Variants in METTL9 observed in about 807,000 individuals in gnomAD.
METTL9 encodes the protein methyltransferase 9, His-X-His N1(pi)-histidine, also known as protein-L-histidine N-pros-methyltransferase.
METTL9 carries 10 observed loss-of-function variants against 36.0 expected under a neutral mutation model. The observed-to-expected ratio is 0.28, with a 90% CI of 0.17 to 0.47. The LOEUF (loss-of-function observed/expected upper bound fraction) is 0.47, where lower values mean the gene tolerates loss of function less well. METTL9 is among the 20% of genes least tolerant of loss of function. The pLI is 0.99. For synonymous variants in METTL9, 175 were observed against 149.7 expected (o/e 1.17, Z -1.23); for missense variants, 246 against 383.5 (o/e 0.64, Z 3.00).
At chr16:21,647,057 C>T in intron 4 of METTL9, 20 of 1,586,408 alleles carry the variant, frequency 1.3e-5, no homozygotes, top group Non-Finnish European at 1.6e-5. Flanking sequence ...CTGATTTCTA[C>T]ATGTGAGTGA....
intron 4 of METTL9, among the ~76,000 whole-genome samples, chr16:21,643,820 A>G (rs554183984): frequency 6.6e-6 from 1 of 150,934 alleles, no homozygotes; most frequent in Non-Finnish European, 1.5e-5. Context: ...ACAATGGTAT[A>G]CATCTCCCTT....
chr16:21,599,363 A>G, upstream of METTL9: 1 of 1,029,142 alleles, frequency 9.7e-7, no homozygotes, highest in Non-Finnish European at 1.2e-6. This position sits in a 1 kb window ranked among gnomAD's most constrained non-coding sequence, Gnocchi z 4.4. Flanking sequence ...CTAGAGGCCA[A>G]GGCAGGGCCG....
intron 1 of METTL9, among the ~76,000 whole-genome samples, chr16:21,607,048 A>G (rs1258971524): frequency 1.3e-5 from 2 of 151,952 alleles, no homozygotes; most frequent in Non-Finnish European, 2.9e-5. Context: ...TTATATATAA[A>G]TATTAGGAGG....
At chr16:21,638,242 C>T (rs1340212041) in intron 4 of METTL9, among the ~76,000 whole-genome samples, 1 of 152,170 alleles carries the variant, frequency 6.6e-6, no homozygotes, top group Non-Finnish European at 1.5e-5. Context: ...CACTTGAACC[C>T]TGGAGGCAGA....
At chr16:21,599,519 G>T (rs939617300), upstream of METTL9, 11 of 1,261,002 alleles carry the variant, frequency 8.7e-6, no homozygotes, top group Admixed American at 4.4e-4. The surrounding 1 kb of genome is among the most constrained non-coding windows in gnomAD (Gnocchi z 4.4). Flanking sequence ...GCAGGGGGCA[G>T]CGGCGTTCCG....
At chr16:21,605,319 C>CACCCAAG (rs2152892669) in intron 1 of METTL9, among the ~76,000 whole-genome samples, 1 of 98,548 alleles carries the variant, frequency 1.0e-5, no homozygotes, top group South Asian at 3.6e-4. Flanking sequence ...CTTACTCTGT[C>CACCCAAG]ACCCAAGTTG....
chr16:21,627,238 C>G (rs532980826), intron 4 of METTL9: 1 of 984,600 alleles, frequency 1.0e-6, no homozygotes, highest in South Asian at 4.7e-5. Flanking sequence ...TGTGTAGATT[C>G]ATGAATGCTG....
chr16:21,613,023 G>A (rs937095438), intron 2 of METTL9, among the ~76,000 whole-genome samples, 188 bp downstream of exon 2: 2 of 151,954 alleles, frequency 1.3e-5, no homozygotes, highest in East Asian at 3.9e-4. Flanking sequence ...TCACCATAAC[G>A]TGACAGCCTC....
chr16:21,651,434 G>T (rs1243691438), intron 4 of METTL9, among the ~76,000 whole-genome samples: 1 of 152,014 alleles, frequency 6.6e-6, no homozygotes, highest in African/African-American at 2.4e-5. Flanking sequence ...GGGTGGGACT[G>T]CAGGTGCAGT....
chr16:21,638,944 C>T (rs1966177624), intron 4 of METTL9, among the ~76,000 whole-genome samples: 1 of 152,118 alleles, frequency 6.6e-6, no homozygotes, highest in Non-Finnish European at 1.5e-5. Flanking sequence ...AAACTAATCT[C>T]AAAGCTATTT....
chr16:21,637,687 G>A (rs530578609), intron 4 of METTL9, among the ~76,000 whole-genome samples: 5 of 152,368 alleles, frequency 3.3e-5, no homozygotes, highest in South Asian at 2.1e-4. Context: ...GTACACACCC[G>A]GAACCTGTGC....
chr16:21,648,225 T>C (rs1966480088), intron 4 of METTL9, among the ~76,000 whole-genome samples: 1 of 152,170 alleles, frequency 6.6e-6, no homozygotes, highest in Admixed American at 6.5e-5. Context: ...ATTTATCTTA[T>C]TTAATTAACA....
At chr16:21,635,829 G>C (rs1267609711) in intron 4 of METTL9, among the ~76,000 whole-genome samples, 1 of 152,190 alleles carries the variant, frequency 6.6e-6, no homozygotes, top group South Asian at 2.1e-4. Context: ...GCAGTCCCCG[G>C]ACCCTGCTAA....
chr16:21,647,068 G>T, intron 4 of METTL9: 1 of 1,602,576 alleles, frequency 6.2e-7, no homozygotes. Flanking sequence ...ATGTGAGTGA[G>T]GTAATGATTT....
chr16:21,655,554 G>C lies in METTL9; in HGVS notation c.*122G>C. ...GGACCGCCATTCTAAATATCATGTA[G>C]GAATTTAAAAAGCCAAAATACTAAT... On this transcript the variant is annotated 3_prime_UTR_variant, in exon 5 of 5. Coordinates refer to ENST00000358154, the MANE Select transcript of METTL9 (RefSeq NM_016025.5). 1 of 854,094 alleles carries C rather than the reference G, an allele frequency of 1.2e-6. No homozygotes were observed. 52.9% of individuals were successfully genotyped at this position (854,094 alleles called of 1,614,324 possible). A position where few individuals can be genotyped will look rare whatever the true frequency, so the allele number is the denominator to read the frequency against.
chr16:21,608,994 C>G (rs1490712180), intron 1 of METTL9, among the ~76,000 whole-genome samples: 3 of 152,164 alleles, frequency 2.0e-5, no homozygotes, highest in Non-Finnish European at 4.4e-5. Context: ...CTTAGGGACC[C>G]TATGCTTCCC....
At chr16:21,653,570 G>T (rs952660010) in intron 4 of METTL9, 4 of 152,302 alleles carry the variant, frequency 2.6e-5, no homozygotes, top group Non-Finnish European at 4.4e-5. Flanking sequence ...AGTGAATCTT[G>T]TGTGGGGTCC....
chr16:21,655,411 C>CT lies in METTL9; in HGVS notation c.939dup (p.Val314CysfsTer47), dbSNP rs1966681126. On this transcript the variant is annotated frameshift_variant, in exon 5 of 5. Coordinates refer to ENST00000358154, the MANE Select transcript of METTL9 (RefSeq NM_016025.5). LOFTEE classifies it high-confidence loss of function. ...ACTACTACGTTCTGGATGACGCTGT[C>CT]TTTGTTCTCAAACCAGTATAAACAC... The CT allele has an allele frequency of 6.2e-7, 1 of 1,614,004 alleles. No individual in the cohort carries two copies. Among genetic ancestry groups the CT allele is most frequent in the African/African-American group, 1.3e-5 (1 of 74,912 alleles).
At position 21,599,820 on chromosome 16, in the gene METTL9, C is replaced by A. The variant is rs1965058573; in HGVS notation, c.87C>A (p.Thr29=). The change falls in exon 1 of 5, where the codon ACC becomes ACA. Residue 29 remains threonine, a synonymous_variant. Coordinates refer to ENST00000358154, the MANE Select transcript of METTL9 (RefSeq NM_016025.5). The surrounding 1 kb of genome is among the most constrained non-coding windows in gnomAD (Gnocchi z 4.4). ...RRMWTLRSPL[T]RSLYVNMTSG... ...TGTGGACGCTGCGGAGCCCGCTCAC[C>A]CGCTCCCTGTACGTGAACATGACTA... 1 of 1,544,682 alleles carries A rather than the reference C, an allele frequency of 6.5e-7. No individual in the cohort carries two copies. The highest frequency in any genetic ancestry group is 8.7e-7 in the Non-Finnish European group (1 of 1,152,368).
Sources: allele counts gnomAD v4.1 joint callset (sites outside exome capture counted in the v4.1 genomes callset), GRCh38; gene constraint gnomAD v4.1.1; non-coding constraint Gnocchi (gnomAD v3.1); transcripts MANE v1.5; gene names NCBI Gene and HGNC (gene_info 2026-07-23, HGNC 2026-07-21).